RAPGEF2: variants seen among roughly 807,000 people sequenced by gnomAD.
RAPGEF2 encodes the protein Rap guanine nucleotide exchange factor 2, also known as PDZ domain containing guanine nucleotide exchange factor (GEF) 1.
Under a neutral mutation model 186.7 loss-of-function variants are expected in RAPGEF2, and 54 were observed. The observed-to-expected ratio is 0.29, with a 90% confidence interval of 0.23 to 0.36. The LOEUF (loss-of-function observed/expected upper bound fraction) is 0.36. RAPGEF2 is among the 10% of genes least tolerant of loss of function. The pLI is 1.00. For missense variants in RAPGEF2, 1,532 were observed against 2,045.0 expected (o/e 0.75, Z 4.84); for synonymous variants, 712 against 705.9 (o/e 1.01, Z -0.14).
chr4:159,162,175 A>G (rs965986988), intron 1 of RAPGEF2, among the ~76,000 whole-genome samples: 11 of 151,312 alleles, frequency 7.3e-5, no homozygotes, highest in Non-Finnish European at 1.0e-4. Context: ...GCTTAAAGCC[A>G]AGAGTTTAAT....
intron 7 of RAPGEF2, among the ~76,000 whole-genome samples, chr4:159,279,546 A>G (rs1341308628): frequency 6.6e-6 from 1 of 152,236 alleles, no homozygotes. Flanking sequence ...ATGTAGAGTA[A>G]CTTTACCTTG....
intron 3 of RAPGEF2, among the ~76,000 whole-genome samples, chr4:159,204,709 C>G (rs565279258): frequency 6.6e-6 from 1 of 152,148 alleles, no homozygotes; most frequent in South Asian, 2.1e-4. Flanking sequence ...TCCGTTTTGT[C>G]CATTGTGGGA....
intron 1 of RAPGEF2, among the ~76,000 whole-genome samples, chr4:159,115,684 A>G (rs1738969648): frequency 6.6e-6 from 1 of 152,330 alleles, no homozygotes; most frequent in East Asian, 1.9e-4. Flanking sequence ...AGTTCAAACT[A>G]TACTACAAGG....
intron 12 of RAPGEF2, 117 bp downstream of exon 12, chr4:159,330,127 A>T: frequency 9.1e-7 from 1 of 1,096,300 alleles, no homozygotes; most frequent in African/African-American, 1.6e-5. Context: ...ATCAGTTGTG[A>T]AAAATCTTTA....
intron 1 of RAPGEF2, among the ~76,000 whole-genome samples, chr4:159,147,801 C>T (rs1312818225): frequency 1.3e-5 from 2 of 152,212 alleles, no homozygotes; most frequent in Non-Finnish European, 2.9e-5. Flanking sequence ...AGTCAAGATA[C>T]CTAATCTCTC....
At chr4:159,271,883 A>G (rs1249567388) in intron 7 of RAPGEF2, among the ~76,000 whole-genome samples, 3 of 152,192 alleles carry the variant, frequency 2.0e-5, no homozygotes, top group African/African-American at 7.2e-5. Flanking sequence ...TTTTGAAATC[A>G]TGTTGAGACT....
chr4:159,128,416 A>G (rs939092397), intron 1 of RAPGEF2, among the ~76,000 whole-genome samples: 4 of 152,162 alleles, frequency 2.6e-5, no homozygotes, highest in African/African-American at 9.6e-5. Context: ...GTACTTCGCA[A>G]TGGAAAAGTC....
At chr4:159,125,035 AT>A (rs755621950) in intron 1 of RAPGEF2, among the ~76,000 whole-genome samples, 107 of 140,168 alleles carry the variant, frequency 7.6e-4, no homozygotes, top group Admixed American at 1.3e-3. Context: ...AGGTTTTTCT[AT>A]TTTTTTTTTT....
intron 7 of RAPGEF2, among the ~76,000 whole-genome samples, chr4:159,302,538 G>A (rs969517685): frequency 6.8e-6 from 1 of 148,040 alleles, no homozygotes; most frequent in African/African-American, 2.7e-5. Context: ...ACGATGAAGG[G>A]TATCTATCCT....
chr4:159,269,913 T>C lies in RAPGEF2; in HGVS notation c.543+26122T>C, dbSNP rs115045075. The stretch of plus-strand genomic sequence containing the variant: ...GGAGGAAAACACATTACTACATTTA[T>C]GTAAAGGCCAGTTGGGACAGATATT... On this transcript the variant is annotated intron_variant, in intron 7 of 29. Transcript: ENST00000691494. Among the ~76,000 whole-genome samples the C allele has an allele frequency of 3.5e-3, 527 of 152,320 alleles. 2 individuals are homozygous for C. Among genetic ancestry groups the C allele is most frequent in the African/African-American group, 0.012 (481 of 41,580 alleles).
At chr4:159,334,916 CAT>C (rs751863410) in intron 17 of RAPGEF2, among the ~76,000 whole-genome samples, 4 of 152,014 alleles carry the variant, frequency 2.6e-5, no homozygotes, top group African/African-American at 7.3e-5. Flanking sequence ...TATTTGAAAT[CAT>C]ATGTGTAATG....
At chr4:159,157,941 G>T (rs1279227543) in intron 1 of RAPGEF2, among the ~76,000 whole-genome samples, 1 of 152,096 alleles carries the variant, frequency 6.6e-6, no homozygotes, top group African/African-American at 2.4e-5. Context: ...GAGGAATTGG[G>T]GTAGGGACCG....
intron 7 of RAPGEF2, among the ~76,000 whole-genome samples, chr4:159,286,403 A>T (rs10023262): frequency 0.28 from 43,244 of 151,918 alleles, 8,052 homozygotes; most frequent in African/African-American, 0.53. Flanking sequence ...CTATTCCTAG[A>T]GTTCCCCTTA....
chr4:159,145,955 C>A lies in RAPGEF2; in HGVS notation c.70-40687C>A, dbSNP rs151071883. 4.0e-3 allele frequency among the ~76,000 whole-genome samples: 616 copies of A among 152,164 alleles called. 2 individuals carry two copies. The highest frequency in any genetic ancestry group is 0.014 in the African/African-American group (563 of 41,500). ...GGTTTCAGAAAAGTGGGAAAGGAAGCGTTGATAGGTAAACTGTCACCACTT... is the reference window on the plus strand; with the variant it reads ...GGTTTCAGAAAAGTGGGAAAGGAAGAGTTGATAGGTAAACTGTCACCACTT... On this transcript the variant is annotated intron_variant, in intron 1 of 29. Coordinates refer to ENST00000691494, the MANE Select transcript of RAPGEF2 (RefSeq NM_001394067.2).
chr4:159,121,126 T>A (rs1739631760), intron 1 of RAPGEF2, among the ~76,000 whole-genome samples: 1 of 152,190 alleles, frequency 6.6e-6, no homozygotes, highest in African/African-American at 2.4e-5. Context: ...GTGCTGGAAT[T>A]ACAGGCGTGA....
chr4:159,311,444 A>G (rs147899870), intron 8 of RAPGEF2, among the ~76,000 whole-genome samples: 2 of 152,174 alleles, frequency 1.3e-5, no homozygotes, highest in Admixed American at 6.5e-5. Flanking sequence ...TAGAAGGTGT[A>G]CAAGTTCTAA....
intron 5 of RAPGEF2, among the ~76,000 whole-genome samples, chr4:159,239,321 G>A (rs1284560856): frequency 6.6e-6 from 1 of 152,030 alleles, no homozygotes; most frequent in African/African-American, 2.4e-5. Flanking sequence ...CAATCGTGAG[G>A]AATAACCAAA....
intron 8 of RAPGEF2, among the ~76,000 whole-genome samples, chr4:159,312,468 C>G (rs1256827570): frequency 6.6e-6 from 1 of 152,080 alleles, no homozygotes; most frequent in Non-Finnish European, 1.5e-5. Context: ...TATATCACAT[C>G]AAGTTCTACT....
At chr4:159,349,768 A>G (rs886111233) in intron 25 of RAPGEF2, among the ~76,000 whole-genome samples, 5 of 152,208 alleles carry the variant, frequency 3.3e-5, no homozygotes, top group Non-Finnish European at 7.3e-5. Context: ...AAACATGTCT[A>G]GCTGTGCCAC....
Sources: gnomAD v4.1 joint callset for allele counts (sites outside exome capture counted in the v4.1 genomes callset) on GRCh38, gnomAD v4.1.1 for gene constraint, MANE v1.5 for transcripts, NCBI Gene and HGNC (gene_info 2026-07-23, HGNC 2026-07-21) for gene names.